Variants in IQGAP1 observed in about 807,000 individuals in gnomAD.
The protein encoded by IQGAP1 is IQ motif containing GTPase activating protein 1, also known as ras GTPase-activating-like protein IQGAP1.
A neutral mutation model predicts 215.6 loss-of-function variants in IQGAP1; 66 were observed. The observed-to-expected ratio is 0.31, with a 90% CI of 0.25 to 0.38. The LOEUF (loss-of-function observed/expected upper bound fraction) is 0.38. Among genes scored for constraint, IQGAP1 ranks in the 10% least tolerant of loss-of-function variants. The pLI is 1.00. For missense variants in IQGAP1, 1,712 were observed against 1,997.1 expected (o/e 0.86, Z 2.72); for synonymous variants, 772 against 728.7 (o/e 1.06, Z -0.96).
Position 90,477,008 on chromosome 15 carries a change from A to G in IQGAP1, c.2941-59A>G, listed in dbSNP as rs1014926340. On this transcript the variant is annotated intron_variant, in intron 24 of 37. Transcript: ENST00000268182. The stretch of plus-strand genomic sequence containing the variant: ...TAGTCCTTCAATTTTAAATAATTGA[A>G]TATATCTTGCCAGCCTTTATATTAC... The G allele has an allele frequency of 1.5e-5, 23 of 1,506,234 alleles. No individual in the cohort carries two copies. The Admixed American group carries it at 3.7e-4, about 24-fold the overall frequency. The allele number at this position is 1,506,234 out of a possible 1,614,324, so 93.3% of individuals were successfully genotyped here. A position where few individuals can be genotyped will look rare whatever the true frequency, so the allele number is the denominator to read the frequency against.
At chr15:90,442,110 A>T (rs1289489671) in intron 8 of IQGAP1, among the ~76,000 whole-genome samples, 7 of 152,200 alleles carry the variant, frequency 4.6e-5, no homozygotes, top group Non-Finnish European at 8.8e-5. Context: ...ATTATCTCTA[A>T]ATATTAACAT....
At chr15:90,433,869 G>A in intron 5 of IQGAP1, 74 bp downstream of exon 5, 1 of 871,730 alleles carries the variant, frequency 1.1e-6, no homozygotes, top group Non-Finnish European at 1.8e-6. Flanking sequence ...TTTTATCCTT[G>A]AGGTAAGAAT....
intron 2 of IQGAP1, among the ~76,000 whole-genome samples, chr15:90,400,538 T>G (rs910788800): frequency 6.6e-6 from 1 of 152,182 alleles, no homozygotes; most frequent in African/African-American, 2.4e-5. Context: ...GTTTACCACT[T>G]CCCTTTATAA....
At chr15:90,474,816 C>CTT in intron 23 of IQGAP1, 123 bp downstream of exon 23, 20 of 530,836 alleles carry the variant, frequency 3.8e-5, no homozygotes, top group East Asian at 2.8e-4. Context: ...GCCATAAGAG[C>CTT]TTTTTTTTTT....
chr15:90,418,566 G>A (rs1049406311), intron 2 of IQGAP1, among the ~76,000 whole-genome samples: 1 of 151,422 alleles, frequency 6.6e-6, no homozygotes, highest in East Asian at 1.9e-4. Context: ...TCCAGACTGG[G>A]TGGCAGAGCG....
chr15:90,454,443 G>A lies in IQGAP1; in HGVS notation c.1503G>A (p.Leu501=). 6.2e-7 allele frequency: 1 copy of A among 1,613,642 alleles called. No homozygotes were observed. ...TCTGGGGCAGGTATCTCGATGAGTTGATGAAACTGAAGGCTCAGGCACATG... is the reference window on the plus strand; with the variant it reads ...TCTGGGGCAGGTATCTCGATGAGTTAATGAAACTGAAGGCTCAGGCACATG... ...EENCQRYLDE[L]MKLKAQAHAE... is the part of the protein sequence containing the mutation. Residue 501 remains leucine (L), a synonymous_variant, in exon 14 of 38, where the codon TTG becomes TTA. Transcript: ENST00000268182.
In IQGAP1 at chr15:90,450,200, C is replaced by G. The variant is rs78317496; in HGVS notation, c.1162+557C>G. 6.3e-3 allele frequency among the ~76,000 whole-genome samples: 956 copies of G among 152,184 alleles called. 7 individuals carry two copies. The highest frequency in any genetic ancestry group is 0.014 in the Middle Eastern group (4 of 294). ...CCAGTCAACTCTACCTCTGTGAGATCCACTTTTTTAGCTCCCATATATGAG... is the reference window on the plus strand; with the variant it reads ...CCAGTCAACTCTACCTCTGTGAGATGCACTTTTTTAGCTCCCATATATGAG... On this transcript the variant is annotated intron_variant, in intron 11 of 37. Coordinates refer to ENST00000268182, the MANE Select transcript of IQGAP1 (RefSeq NM_003870.4).
At chr15:90,435,162 G>T (rs1366209978) in intron 5 of IQGAP1, among the ~76,000 whole-genome samples, 1 of 152,080 alleles carries the variant, frequency 6.6e-6, no homozygotes, top group Non-Finnish European at 1.5e-5. Context: ...CTCGTGTTGA[G>T]AATGTAGCAA....
At chr15:90,498,399 A>G (rs1966300274) in intron 37 of IQGAP1, among the ~76,000 whole-genome samples, 1 of 151,514 alleles carries the variant, frequency 6.6e-6, no homozygotes, top group African/African-American at 2.4e-5. Flanking sequence ...CCTCAGTTTC[A>G]CCAAATTATT....
intron 2 of IQGAP1, among the ~76,000 whole-genome samples, chr15:90,414,159 T>G (rs927672176): frequency 1.3e-5 from 2 of 151,974 alleles, no homozygotes; most frequent in Non-Finnish European, 2.9e-5. Flanking sequence ...CTTACACTTC[T>G]AGAAAAAGAA....
At chr15:90,415,150 C>A (rs1004600800) in intron 2 of IQGAP1, among the ~76,000 whole-genome samples, 1 of 152,136 alleles carries the variant, frequency 6.6e-6, no homozygotes, top group Non-Finnish European at 1.5e-5. Context: ...GATATTGTTA[C>A]TTTACTTTGT....
chr15:90,433,012 A>G (rs937941924), intron 4 of IQGAP1, among the ~76,000 whole-genome samples: 3 of 152,204 alleles, frequency 2.0e-5, no homozygotes, highest in African/African-American at 7.2e-5. Context: ...TATCAAAGAT[A>G]TGGCAGTTAA....
At chr15:90,388,544 C>G (rs1439583365) in intron 1 of IQGAP1, 148 bp downstream of exon 1, 1 of 608,336 alleles carries the variant, frequency 1.6e-6, no homozygotes, top group Non-Finnish European at 2.5e-6. Context: ...GGGCGGCGGG[C>G]GGCGGGCGGG....
Position 90,467,502 on chromosome 15 carries a change from T to C in IQGAP1, c.2088T>C (p.Tyr696=). 2 of 1,613,244 alleles carry C rather than the reference T, an allele frequency of 1.2e-6. No individual in the cohort carries two copies. Among genetic ancestry groups the C allele is most frequent in the African/African-American group, 2.7e-5 (2 of 74,884 alleles). The change falls in exon 18 of 38, where the codon TAT becomes TAC. Residue 696 remains tyrosine, a synonymous_variant. Transcript: ENST00000268182. Reference sequence around the variant, plus strand: ...ACTGGGTAAAAGGTGGATATTATTATTACCACAATCTGGAGACCCAGGAAG... The same window carrying C: ...ACTGGGTAAAAGGTGGATATTATTACTACCACAATCTGGAGACCCAGGAAG... ...VKHWVKGGYY[Y]YHNLETQEGG...
At chr15:90,397,125 A>G (rs918904977) in intron 2 of IQGAP1, among the ~76,000 whole-genome samples, 8 of 152,230 alleles carry the variant, frequency 5.3e-5, no homozygotes, top group Non-Finnish European at 1.0e-4. Flanking sequence ...AAGTGCTGGG[A>G]TTATAGGCGT....
chr15:90,423,079 T>G (rs1596259163), intron 2 of IQGAP1, among the ~76,000 whole-genome samples: 1 of 146,694 alleles, frequency 6.8e-6, no homozygotes, highest in East Asian at 2.4e-4. Context: ...GGTTTTCTGA[T>G]TCTGTGATTT....
rs1034359165 is a variant in IQGAP1, at chr15:90,499,096, G to A, written c.4861-899G>A. ...CTCCCAAAGTGCTGGGATGACAGGCGTGAGCCACCACACCCGGCCTTGTGG... is the reference window on the plus strand; with the variant it reads ...CTCCCAAAGTGCTGGGATGACAGGCATGAGCCACCACACCCGGCCTTGTGG... On this transcript the variant is annotated intron_variant, in intron 37 of 37. Transcript: ENST00000268182. Among the ~76,000 whole-genome samples, 5 of 152,038 alleles carry A rather than the reference G, an allele frequency of 3.3e-5. No homozygotes were observed. The South Asian group carries it at 6.2e-4, about 19-fold the overall frequency.
chr15:90,438,593 C>T (rs1965402099), intron 5 of IQGAP1, among the ~76,000 whole-genome samples: 1 of 152,170 alleles, frequency 6.6e-6, no homozygotes, highest in Non-Finnish European at 1.5e-5. Flanking sequence ...AATATGAATT[C>T]AGTTTAAGTA....
rs202172894 is a variant in IQGAP1 at position 90,439,347 on chromosome 15, G to A, written c.483G>A (p.Lys161=). 5.0e-6 allele frequency: 8 copies of A among 1,613,198 alleles called. No homozygotes were observed. In the Admixed American group the frequency reaches 8.3e-5, roughly 17 times the overall value. Residue 161 remains lysine, a synonymous_variant, in exon 6 of 38, where the codon AAG becomes AAA. Coordinates refer to ENST00000268182, the MANE Select transcript of IQGAP1 (RefSeq NM_003870.4). ...CIHALSLYLF[K]LGLAPQIQDL... Reference sequence around the variant, plus strand: ...TATCTTCTAGTTTGTACCTGTTCAAGCTAGGCCTGGCCCCTCAGATTCAAG... The same window carrying A: ...TATCTTCTAGTTTGTACCTGTTCAAACTAGGCCTGGCCCCTCAGATTCAAG...
Sources: allele counts gnomAD v4.1 joint callset (sites outside exome capture counted in the v4.1 genomes callset), GRCh38; gene constraint gnomAD v4.1.1; transcripts MANE v1.5; gene names NCBI Gene and HGNC (gene_info 2026-07-23, HGNC 2026-07-21).